TENM2: variants seen among roughly 807,000 people sequenced by gnomAD.
TENM2 encodes the protein teneurin-2.
A neutral mutation model predicts 245.2 loss-of-function variants in TENM2; 52 were observed. The observed-to-expected ratio is 0.21, with a 90% CI of 0.17 to 0.27. The LOEUF (loss-of-function observed/expected upper bound fraction) is 0.27. Ranked by LOEUF, TENM2 falls within the 10% of genes least tolerant of loss-of-function variation. TENM2 has a pLI of 1.00. For synonymous variants in TENM2, 1,363 were observed against 1,438.9 expected, an observed-to-expected ratio of 0.95 and a Z score of 1.19; for missense variants, 3,046 against 3,666.8, an observed-to-expected ratio of 0.83 and a Z score of 4.37.
chr5:167,414,728 A>C (rs1409752184), intron 2 of TENM2, among the ~76,000 whole-genome samples: 2 of 152,120 alleles, frequency 1.3e-5, no homozygotes, highest in Non-Finnish European at 2.9e-5. Context: ...TTAAATGGGA[A>C]ATAAGAGGTA....
intron 4 of TENM2, among the ~76,000 whole-genome samples, chr5:167,979,837 A>G (rs1171665917): frequency 5.3e-5 from 8 of 152,208 alleles, no homozygotes; most frequent in Admixed American, 5.2e-4. Flanking sequence ...GTGTGTAGGA[A>G]TAATACGAAC....
the TENM2 span, among the ~76,000 whole-genome samples, chr5:167,139,650 G>A: frequency 6.6e-6 from 1 of 152,118 alleles, no homozygotes; most frequent in Non-Finnish European, 1.5e-5. Context: ...GGTTGTGTGT[G>A]TATTTGTCAT....
intron 7 of TENM2, among the ~76,000 whole-genome samples, chr5:168,064,833 G>T (rs1300122754): frequency 6.6e-6 from 1 of 152,146 alleles, no homozygotes; most frequent in Non-Finnish European, 1.5e-5. Context: ...AAATTCGCAA[G>T]ACAGGTACAA....
At chr5:168,238,269 G>GAAAAGAA (rs1765771311) in intron 25 of TENM2, among the ~76,000 whole-genome samples, 1 of 138,574 alleles carries the variant, frequency 7.2e-6, no homozygotes, top group Non-Finnish European at 1.5e-5. Context: ...GAAAAGAAAA[G>GAAAAGAA]AAAAGAAAAG....
intron 2 of TENM2, among the ~76,000 whole-genome samples, chr5:167,501,197 C>T (rs556256944): frequency 3.3e-5 from 5 of 152,140 alleles, no homozygotes; most frequent in African/African-American, 7.2e-5. Flanking sequence ...TTCTTTTTTG[C>T]GTTACAGGTA....
chr5:167,990,289 G>A (rs1020098324), intron 4 of TENM2, among the ~76,000 whole-genome samples: 2 of 152,128 alleles, frequency 1.3e-5, no homozygotes, highest in African/African-American at 4.8e-5. Flanking sequence ...CATTTGTCAA[G>A]CTTTAAATTA....
chr5:168,040,417 C>T (rs1788083625), intron 5 of TENM2, among the ~76,000 whole-genome samples: 1 of 152,144 alleles, frequency 6.6e-6, no homozygotes, highest in African/African-American at 2.4e-5. Flanking sequence ...AGCTGGAAGT[C>T]GGACAGAGGC....
At chr5:168,264,129 A>G (rs1230556728), downstream of TENM2, 1 of 152,550 alleles carries the variant, frequency 6.6e-6, no homozygotes, top group Non-Finnish European at 1.5e-5. Flanking sequence ...TTGTTTATAC[A>G]TAAATAAAGT....
chr5:167,027,251 C>T, the TENM2 span, among the ~76,000 whole-genome samples: 135 of 152,158 alleles, frequency 8.9e-4, 1 homozygote, highest in Middle Eastern at 0.014. Context: ...TTGAGAGTTA[C>T]TTTTGGTTTT....
At chr5:168,033,129 A>T (rs968660714) in intron 5 of TENM2, 4 of 152,160 alleles carry the variant, frequency 2.6e-5, no homozygotes, top group Non-Finnish European at 5.9e-5. Context: ...CATGGGTTGC[A>T]AAAGAGGATT....
At chr5:168,217,483 C>G (rs557976700) in intron 22 of TENM2, among the ~76,000 whole-genome samples, 1 of 152,220 alleles carries the variant, frequency 6.6e-6, no homozygotes, top group Non-Finnish European at 1.5e-5. Context: ...CTTTCTATAA[C>G]GGCCTTTTCA....
intron 2 of TENM2, among the ~76,000 whole-genome samples, chr5:167,567,899 A>G (rs1449998177): frequency 1.3e-5 from 2 of 151,968 alleles, no homozygotes; most frequent in African/African-American, 2.4e-5. Context: ...TTGCATGCCC[A>G]CCAAATCAAC....
At chr5:168,071,974 A>G (rs1045077791) in intron 7 of TENM2, among the ~76,000 whole-genome samples, 3 of 152,180 alleles carry the variant, frequency 2.0e-5, no homozygotes, top group Admixed American at 6.5e-5. Flanking sequence ...ATGCTTCAAG[A>G]GAAGCTGCGC....
chr5:167,366,702 C>T (rs2127284505), intron 1 of TENM2, among the ~76,000 whole-genome samples: 1 of 152,260 alleles, frequency 6.6e-6, no homozygotes, highest in South Asian at 2.1e-4. Flanking sequence ...GCATTTAGGA[C>T]AGTGCTTGAC....
intron 2 of TENM2, among the ~76,000 whole-genome samples, chr5:167,608,445 C>T (rs1165363925): frequency 1.3e-5 from 2 of 152,184 alleles, no homozygotes; most frequent in East Asian, 3.9e-4. Context: ...CCCTCCTTTC[C>T]TTGCCAAAGT....
At chr5:167,048,598 G>A in the TENM2 span, among the ~76,000 whole-genome samples, 1 of 152,128 alleles carries the variant, frequency 6.6e-6, no homozygotes, top group Non-Finnish European at 1.5e-5. Context: ...GATGTGATAA[G>A]TTATAATTTA....
At chr5:168,178,642 A>G (rs1384653318) in intron 13 of TENM2, among the ~76,000 whole-genome samples, 2 of 152,356 alleles carry the variant, frequency 1.3e-5, no homozygotes, top group Admixed American at 6.5e-5. Context: ...AGGGAGAGGA[A>G]AAGAAGGAAG....
chr5:167,794,202 A>G (rs1355339189), intron 2 of TENM2, among the ~76,000 whole-genome samples: 1 of 152,116 alleles, frequency 6.6e-6, no homozygotes, highest in Non-Finnish European at 1.5e-5. Context: ...ACAAACACAC[A>G]TTACACAAAT....
chr5:167,728,357 C>A (rs1275481044), intron 2 of TENM2, among the ~76,000 whole-genome samples: 1 of 152,102 alleles, frequency 6.6e-6, no homozygotes, highest in African/African-American at 2.4e-5. Flanking sequence ...AATCCCAGCA[C>A]TTTGGGCGTC....
Sources: gnomAD v4.1 joint callset for allele counts (sites outside exome capture counted in the v4.1 genomes callset) on GRCh38, gnomAD v4.1.1 for gene constraint, MANE v1.5 for transcripts, NCBI Gene and HGNC (gene_info 2026-07-23, HGNC 2026-07-21) for gene names.